SPRY3: variants seen among roughly 807,000 people sequenced by gnomAD.
SPRY3 encodes sprouty RTK signaling antagonist 3.
In SPRY3, 15 loss-of-function variants were observed where a neutral mutation model predicts 20.2. The ratio of observed to expected loss-of-function variants is 0.74; its 90% CI spans 0.50 to 1.14. SPRY3 has a LOEUF of 1.14. Ranked by LOEUF, SPRY3 falls within the 50% of genes most tolerant of loss-of-function variation. SPRY3 has a pLI of 0.00. For synonymous variants in SPRY3, 143 were observed against 136.5 expected, an observed-to-expected ratio of 1.05 and a Z score of -0.33; for missense variants, 364 against 363.9, an observed-to-expected ratio of 1.00 and a Z score of 0.00.
At chrX:155,631,568 G>A (rs2067906544) in intron 1 of SPRY3, among the ~76,000 whole-genome samples, 1 of 112,154 alleles carries the variant, frequency 8.9e-6, no homozygotes, top group Admixed American at 9.4e-5. Flanking sequence ...CATCAATGGT[G>A]TATAAGCATT....
At chrX:155,773,643 C>A in intron 3 of SPRY3, 123 bp from the exon 3 acceptor site, 1 of 583,542 alleles carries the variant, frequency 1.7e-6, no homozygotes, top group Non-Finnish European at 3.0e-6. Context: ...AAAGGTGTAG[C>A]ATGAAGATTA....
At chrX:155,706,575 C>A (rs2090952949) in intron 2 of SPRY3, among the ~76,000 whole-genome samples, 1 of 148,934 alleles carries the variant, frequency 6.7e-6, no homozygotes, top group Admixed American at 6.7e-5. Flanking sequence ...AAAATATCAA[C>A]AAAATTGATA....
intron 2 of SPRY3, among the ~76,000 whole-genome samples, chrX:155,754,984 A>T (rs2091278287): frequency 6.6e-6 from 1 of 151,458 alleles, no homozygotes; most frequent in African/African-American, 2.4e-5. Context: ...GTGTATTTTA[A>T]ATAGGGAATT....
At chrX:155,737,227 T>C (rs2091175804) in intron 2 of SPRY3, among the ~76,000 whole-genome samples, 1 of 152,148 alleles carries the variant, frequency 6.6e-6, no homozygotes, top group Non-Finnish European at 1.5e-5. Flanking sequence ...CTCTTCAGAC[T>C]GGTTGTTTTT....
chrX:155,685,477 C>T (rs1402283964), intron 2 of SPRY3, among the ~76,000 whole-genome samples: 1 of 107,938 alleles, frequency 9.3e-6, no homozygotes, highest in African/African-American at 3.4e-5. Flanking sequence ...AAACTTGTGT[C>T]ATAAGGGTTT....
chrX:155,761,957 T>A (rs2091305871), intron 2 of SPRY3, among the ~76,000 whole-genome samples: 2 of 152,136 alleles, frequency 1.3e-5, no homozygotes, highest in South Asian at 4.2e-4. Context: ...TCCAATGATC[T>A]CTTTCGTGTT....
chrX:155,759,169 G>A (rs926863738), intron 2 of SPRY3, among the ~76,000 whole-genome samples: 16 of 150,534 alleles, frequency 1.1e-4, no homozygotes, highest in African/African-American at 2.7e-4. Context: ...GATTACAAGC[G>A]CCCACCATCA....
At chrX:155,731,014 T>G (rs143629358) in intron 2 of SPRY3, among the ~76,000 whole-genome samples, 1 of 151,652 alleles carries the variant, frequency 6.6e-6, no homozygotes, top group Non-Finnish European at 1.5e-5. Context: ...GCAGAGGACA[T>G]ACAAAAAAAA....
At chrX:155,748,576 T>C (rs1191595055) in intron 2 of SPRY3, among the ~76,000 whole-genome samples, 2 of 151,846 alleles carry the variant, frequency 1.3e-5, no homozygotes, top group African/African-American at 4.8e-5. Flanking sequence ...AATAGTTACA[T>C]GAATTCTTCC....
intron 2 of SPRY3, among the ~76,000 whole-genome samples, chrX:155,737,225 A>G (rs2091175783): frequency 1.3e-5 from 2 of 151,986 alleles, no homozygotes; most frequent in Admixed American, 6.6e-5. Context: ...GTCTCTTCAG[A>G]CTGGTTGTTT....
chrX:155,739,612 C>T (rs186370026), intron 2 of SPRY3, among the ~76,000 whole-genome samples: 19 of 152,254 alleles, frequency 1.2e-4, no homozygotes, highest in East Asian at 5.8e-4. Flanking sequence ...AAGAAGGAGC[C>T]GGCTGCCATC....
At chrX:155,689,719 C>G (rs1408462506) in intron 2 of SPRY3, among the ~76,000 whole-genome samples, 1 of 82,284 alleles carries the variant, frequency 1.2e-5, no homozygotes, top group African/African-American at 5.9e-5. Context: ...TTTTTTCTTT[C>G]TTAGTCTAGC....
intron 2 of SPRY3, among the ~76,000 whole-genome samples, chrX:155,695,162 G>A (rs979612442): frequency 9.9e-5 from 11 of 111,585 alleles, no homozygotes; most frequent in Non-Finnish European, 2.1e-4. Flanking sequence ...TCTAATGCAG[G>A]TTTGCTCTGC....
At chrX:155,705,515 A>T (rs980477081) in intron 2 of SPRY3, among the ~76,000 whole-genome samples, 3 of 151,472 alleles carry the variant, frequency 2.0e-5, no homozygotes, top group Admixed American at 2.0e-4. Flanking sequence ...CAACCATATC[A>T]ATAATCACAT....
intron 2 of SPRY3, among the ~76,000 whole-genome samples, chrX:155,672,865 C>T (rs2068046258): frequency 9.5e-6 from 1 of 104,747 alleles, no homozygotes; most frequent in African/African-American, 3.5e-5. Flanking sequence ...CACATATACA[C>T]CATGGAATAC....
chrX:155,642,334 C>T (rs1247828635), intron 1 of SPRY3, among the ~76,000 whole-genome samples: 1 of 111,691 alleles, frequency 9.0e-6, no homozygotes, highest in Non-Finnish European at 1.9e-5. Context: ...TGTAATGTCT[C>T]CTTTTTATCC....
chrX:155,614,013 TTCTAGAACC>T (rs2067841574), intron 1 of SPRY3, among the ~76,000 whole-genome samples: 1 of 111,957 alleles, frequency 8.9e-6, no homozygotes, highest in African/African-American at 3.2e-5. Context: ...GTTAAAAAAT[TTCTAGAACC>T]AGTGTGTAAA....
intron 2 of SPRY3, among the ~76,000 whole-genome samples, chrX:155,747,374 C>T (rs752951541): frequency 6.6e-6 from 1 of 151,968 alleles, no homozygotes; most frequent in African/African-American, 2.4e-5. Context: ...TTAAAACTTC[C>T]TTTGAGCAAA....
chrX:155,621,103 A>G (rs1186588630), intron 1 of SPRY3, among the ~76,000 whole-genome samples: 1 of 111,947 alleles, frequency 8.9e-6, no homozygotes, highest in East Asian at 2.8e-4. Flanking sequence ...CGATTTACCA[A>G]CTATTATTGT....
Sources: gnomAD v4.1 joint callset for allele counts (sites outside exome capture counted in the v4.1 genomes callset) on GRCh38, gnomAD v4.1.1 for gene constraint, MANE v1.5 for transcripts, NCBI Gene and HGNC (gene_info 2026-07-23, HGNC 2026-07-21) for gene names.